The following DLG2 variants were observed in gnomAD, a reference collection of about 807,000 sequenced individuals.
DLG2 encodes the protein discs large MAGUK scaffold protein 2, also known as disks large homolog 2.
A neutral mutation model predicts 132.5 loss-of-function variants in DLG2; 45 were observed. The observed-to-expected ratio is 0.34, with a 90% CI of 0.27 to 0.44. The LOEUF is 0.44. Ranked by LOEUF, DLG2 falls within the 20% of genes least tolerant of loss-of-function variation. The pLI, the probability that DLG2 is intolerant of heterozygous loss-of-function variation, is 1.00. For missense variants in DLG2, 1,045 were observed against 1,196.9 expected (o/e 0.87, Z 1.87); for synonymous variants, 424 against 419.6 (o/e 1.01, Z -0.13).
chr11:83,765,377 T>C (rs1566878374), intron 18 of DLG2, among the ~76,000 whole-genome samples: 1 of 152,250 alleles, frequency 6.6e-6, no homozygotes, highest in South Asian at 2.1e-4. Context: ...AATCCTGATA[T>C]CTGAGTTTCT....
At chr11:84,888,272 T>A (rs1371390575) in intron 6 of DLG2, among the ~76,000 whole-genome samples, 2 of 152,136 alleles carry the variant, frequency 1.3e-5, no homozygotes, top group African/African-American at 4.8e-5. Context: ...CTCTCACCAA[T>A]GTGGACAGGT....
At chr11:84,885,660 C>A (rs1360960090) in intron 6 of DLG2, among the ~76,000 whole-genome samples, 1 of 152,036 alleles carries the variant, frequency 6.6e-6, no homozygotes, top group Non-Finnish European at 1.5e-5. Context: ...ATTAAAATAC[C>A]CATCTCATAG....
chr11:83,588,766 T>C (rs1057111802), intron 19 of DLG2, among the ~76,000 whole-genome samples: 9 of 151,738 alleles, frequency 5.9e-5, no homozygotes, highest in African/African-American at 1.7e-4. Flanking sequence ...AATGTATAAC[T>C]AGAATAACCA....
At chr11:84,620,598 A>C (rs2099612132) in intron 6 of DLG2, among the ~76,000 whole-genome samples, 1 of 152,084 alleles carries the variant, frequency 6.6e-6, no homozygotes, top group Admixed American at 6.5e-5. Context: ...AGAAGCAGAC[A>C]CATGAATGCT....
At chr11:85,124,170 C>A (rs1269247636) in intron 5 of DLG2, among the ~76,000 whole-genome samples, 2 of 152,242 alleles carry the variant, frequency 1.3e-5, no homozygotes, top group Non-Finnish European at 2.9e-5. Flanking sequence ...TGTATGTTGG[C>A]ACTAGCTACT....
chr11:84,071,010 C>G (rs565558685), intron 10 of DLG2, among the ~76,000 whole-genome samples: 1 of 152,264 alleles, frequency 6.6e-6, no homozygotes, highest in African/African-American at 2.4e-5. Context: ...AGTGTTCCTT[C>G]TTTTTTAGCC....
At chr11:84,044,240 G>C (rs1330038333) in intron 11 of DLG2, among the ~76,000 whole-genome samples, 1 of 151,766 alleles carries the variant, frequency 6.6e-6, no homozygotes, top group African/African-American at 2.4e-5. Context: ...TAAAACATTA[G>C]AACACCACCT....
chr11:84,973,084 G>C (rs78845192), intron 6 of DLG2, among the ~76,000 whole-genome samples: 117 of 151,208 alleles, frequency 7.7e-4, no homozygotes, highest in African/African-American at 2.6e-3. Context: ...CAGCTTCCCT[G>C]GTAGCTGGGA....
At chr11:84,855,370 A>T (rs898130186) in intron 6 of DLG2, among the ~76,000 whole-genome samples, 5 of 152,184 alleles carry the variant, frequency 3.3e-5, no homozygotes, top group African/African-American at 1.2e-4. Context: ...CAGAATTGCT[A>T]TTTTAATGTG....
chr11:84,060,621 C>T (rs1327314222), intron 10 of DLG2, among the ~76,000 whole-genome samples: 3 of 151,544 alleles, frequency 2.0e-5, no homozygotes, highest in East Asian at 3.9e-4. Context: ...AGTTATGTGG[C>T]CATCGACTCC....
intron 6 of DLG2, among the ~76,000 whole-genome samples, chr11:84,737,059 T>TTTTTG (rs971102006): frequency 2.0e-5 from 3 of 151,808 alleles, no homozygotes; most frequent in East Asian, 1.9e-4. Flanking sequence ...TTGCCAAGAG[T>TTTTTG]TTTTGTTTTG....
At chr11:84,954,496 G>A (rs1245292358) in intron 6 of DLG2, among the ~76,000 whole-genome samples, 1 of 152,086 alleles carries the variant, frequency 6.6e-6, no homozygotes, top group African/African-American at 2.4e-5. Context: ...ACTTACTTTG[G>A]GCAAGAAGAC....
At chr11:84,695,474 T>G (rs567913506) in intron 6 of DLG2, among the ~76,000 whole-genome samples, 1 of 151,558 alleles carries the variant, frequency 6.6e-6, no homozygotes, top group Non-Finnish European at 1.5e-5. Flanking sequence ...TAGCATGCAC[T>G]TTTTAAAAAT....
intron 21 of DLG2, among the ~76,000 whole-genome samples, chr11:83,491,299 G>C (rs1433099599): frequency 6.6e-6 from 1 of 152,008 alleles, no homozygotes; most frequent in African/African-American, 2.4e-5. Flanking sequence ...ACTATCACTT[G>C]TAGCCTAGTG....
chr11:85,498,373 G>C (rs904226399), intron 3 of DLG2, among the ~76,000 whole-genome samples: 10 of 152,168 alleles, frequency 6.6e-5, no homozygotes, highest in Non-Finnish European at 1.3e-4. Context: ...TCAACAAGAA[G>C]AGCTAACTAT....
chr11:84,596,200 C>CTG (rs2099556573), intron 6 of DLG2, among the ~76,000 whole-genome samples: 1 of 150,918 alleles, frequency 6.6e-6, no homozygotes, highest in Admixed American at 6.6e-5. Flanking sequence ...GTCTCTCTCT[C>CTG]TCTCTCTCTC....
At chr11:84,580,871 C>T (rs779446630) in intron 6 of DLG2, among the ~76,000 whole-genome samples, 2 of 152,080 alleles carry the variant, frequency 1.3e-5, no homozygotes, top group Non-Finnish European at 1.5e-5. Flanking sequence ...AAAATACACA[C>T]GATAAAGTAT....
chr11:84,748,048 C>T (rs998851052), intron 6 of DLG2, among the ~76,000 whole-genome samples: 3 of 152,204 alleles, frequency 2.0e-5, no homozygotes, highest in African/African-American at 7.2e-5. Context: ...TTGTCTGCAA[C>T]CAGTTTCCTG....
intron 7 of DLG2, among the ~76,000 whole-genome samples, chr11:84,516,392 T>C (rs2099273189): frequency 6.6e-6 from 1 of 151,414 alleles, no homozygotes; most frequent in Non-Finnish European, 1.5e-5. Flanking sequence ...AAAGAAGATA[T>C]TATAACTGAT....
Sources: allele counts gnomAD v4.1 joint callset (sites outside exome capture counted in the v4.1 genomes callset), GRCh38; gene constraint gnomAD v4.1.1; transcripts MANE v1.5; gene names NCBI Gene and HGNC (gene_info 2026-07-23, HGNC 2026-07-21).